CEP57L1: variants seen among roughly 807,000 people sequenced by gnomAD.
CEP57L1 encodes the protein centrosomal protein CEP57L1.
Under a neutral mutation model 61.0 loss-of-function variants are expected in CEP57L1, and 37 were observed. That is an observed-to-expected ratio of 0.61 (90% confidence interval 0.47 to 0.80). The LOEUF is 0.80. Ranked by LOEUF, CEP57L1 falls within the 30% of genes least tolerant of loss-of-function variation. The probability of loss-of-function intolerance (pLI) is 0.00; values close to 1 mark genes in which losing one functional copy is unlikely to be tolerated. For missense variants in CEP57L1, 422 were observed against 524.7 expected, an observed-to-expected ratio of 0.80 and a Z score of 1.91; for synonymous variants, 137 against 162.3, an observed-to-expected ratio of 0.84 and a Z score of 1.19.
At chr6:109,134,668 C>T (rs545895769) in intron 1 of CEP57L1, among the ~76,000 whole-genome samples, 13 of 152,254 alleles carry the variant, frequency 8.5e-5, no homozygotes, top group Admixed American at 2.0e-4. Context: ...ACAACCCCAT[C>T]GTCTCAGCCC....
intron 1 of CEP57L1, among the ~76,000 whole-genome samples, chr6:109,131,115 G>A (rs1415794985): frequency 1.3e-5 from 2 of 152,040 alleles, no homozygotes; most frequent in Non-Finnish European, 2.9e-5. Flanking sequence ...AGATCAATTC[G>A]AATGTCAAAA....
In CEP57L1 at chr6:109,149,795, T is replaced by G. The variant is rs578076176; in HGVS notation, c.341-323T>G. 9.2e-5 allele frequency among the ~76,000 whole-genome samples: 14 copies of G among 152,332 alleles called. No individual in the cohort carries two copies. In the South Asian group the frequency reaches 2.7e-3, roughly 29 times the overall value. On this transcript the variant is annotated intron_variant, in intron 3 of 10. Transcript: ENST00000517392. The stretch of plus-strand genomic sequence containing the variant: ...TTGTTTGTATCCTCTTTTATTTCAT[T>G]GAGCAGTGGTTTGTAGTTCTCCTTG...
At chr6:109,150,912 C>A (rs1372101717) in intron 4 of CEP57L1, among the ~76,000 whole-genome samples, 1 of 151,944 alleles carries the variant, frequency 6.6e-6, no homozygotes, top group Admixed American at 6.6e-5. Flanking sequence ...ACTAGTAGGT[C>A]CACTCTAAAG....
chr6:109,155,344 A>G (rs747409812), intron 6 of CEP57L1, 37 bp downstream of exon 6: 2 of 1,089,206 alleles, frequency 1.8e-6, no homozygotes, highest in Non-Finnish European at 2.6e-6. Flanking sequence ...ACAGTAAACC[A>G]TATATGTTTT....
At position 109,166,762 on chromosome 6, in the gene CEP57L1, G is replaced by T. The variant is rs777378296; in HGVS notation, c.*3792G>T. On this transcript the variant is annotated 3_prime_UTR_variant, in exon 11 of 11. Coordinates refer to ENST00000517392, the MANE Select transcript of CEP57L1 (RefSeq NM_001271852.3). ...TTGTAATGTGAGAAATCAATCTAAG[G>T]GGGGAAGAGGCCAGTTGGTTATGCA... Among the ~76,000 whole-genome samples, 1 of 152,112 alleles carries T rather than the reference G, an allele frequency of 6.6e-6. No homozygotes were observed. Among genetic ancestry groups the T allele is most frequent in the Non-Finnish European group, 1.5e-5 (1 of 68,020 alleles).
chr6:109,129,599 CT>C, intron 1 of CEP57L1: 1 of 449,164 alleles, frequency 2.2e-6, no homozygotes, highest in Non-Finnish European at 4.5e-6. Flanking sequence ...TCAATCTTAC[CT>C]ACTGCTTACA....
chr6:109,115,524 C>G (rs1390495148), intron 1 of CEP57L1, among the ~76,000 whole-genome samples: 1 of 152,016 alleles, frequency 6.6e-6, no homozygotes, highest in Non-Finnish European at 1.5e-5. Flanking sequence ...CACCCATTGT[C>G]GGTGTGTGCA....
chr6:109,119,307 C>A (rs1338365739), intron 1 of CEP57L1, among the ~76,000 whole-genome samples: 1 of 152,012 alleles, frequency 6.6e-6, no homozygotes, highest in Non-Finnish European at 1.5e-5. Context: ...TTTAGTGAAA[C>A]ATAATTAGTA....
At chr6:109,157,450 A>C (rs1413684498) in intron 7 of CEP57L1, 2 of 152,234 alleles carry the variant, frequency 1.3e-5, no homozygotes, top group Non-Finnish European at 2.9e-5. Context: ...AGTATAATAG[A>C]AGATTAATAG....
At chr6:109,104,198 C>T (rs1378288863) in intron 1 of CEP57L1, among the ~76,000 whole-genome samples, 1 of 151,910 alleles carries the variant, frequency 6.6e-6, no homozygotes, top group Non-Finnish European at 1.5e-5. Context: ...ATTTTCAGAG[C>T]TTATCTGTGT....
intron 2 of CEP57L1, among the ~76,000 whole-genome samples, chr6:109,145,856 T>C (rs1328304666): frequency 4.6e-5 from 7 of 151,984 alleles, no homozygotes. Flanking sequence ...AGGAGGATCT[T>C]AAAATTGAAT....
In CEP57L1 at chr6:109,168,396, G is replaced by A. The variant is rs1774231273; in HGVS notation, c.*5426G>A. Among the ~76,000 whole-genome samples the A allele has an allele frequency of 6.6e-6, 1 of 152,100 alleles. No individual in the cohort carries two copies. Among genetic ancestry groups the A allele is most frequent in the East Asian group, 1.9e-4 (1 of 5,198 alleles). On this transcript the variant is annotated 3_prime_UTR_variant, in exon 11 of 11. Transcript: ENST00000517392. ...AGAACAATAAGAATTATACAGAAAG[G>A]TTATATTCTAGAGGCCAAGTATTGA...
At chr6:109,130,525 T>G (rs2114757422) in intron 1 of CEP57L1, among the ~76,000 whole-genome samples, 1 of 152,214 alleles carries the variant, frequency 6.6e-6, no homozygotes, top group East Asian at 1.9e-4. Flanking sequence ...ATTGTGCTTC[T>G]ACGAACATAG....
At chr6:109,159,205 C>A (rs1773499870) in intron 8 of CEP57L1, 64 bp from the exon 9 acceptor site, 1 of 1,613,676 alleles carries the variant, frequency 6.2e-7, no homozygotes, top group Non-Finnish European at 8.5e-7. Flanking sequence ...TCAGTTGTTT[C>A]TTTTCCCATA....
chr6:109,139,466 AT>A (rs936052011), intron 1 of CEP57L1, among the ~76,000 whole-genome samples: 38 of 150,424 alleles, frequency 2.5e-4, no homozygotes, highest in African/African-American at 8.8e-4. Context: ...GCCTGGCTGA[AT>A]TTTTTTTTCT....
At chr6:109,155,173 C>A in intron 5 of CEP57L1, 57 bp from the exon 6 acceptor site, 2 of 1,082,772 alleles carry the variant, frequency 1.8e-6, no homozygotes, top group Non-Finnish European at 2.7e-6. Flanking sequence ...GGAAAAGAAA[C>A]AAATGATATT....
chr6:109,131,944 A>G (rs1774247967), intron 1 of CEP57L1, among the ~76,000 whole-genome samples: 1 of 152,098 alleles, frequency 6.6e-6, no homozygotes, highest in Non-Finnish European at 1.5e-5. Flanking sequence ...AGATCCCCAA[A>G]GTGTGAATCA....
At chr6:109,103,766 T>C (rs1770597975) in intron 1 of CEP57L1, among the ~76,000 whole-genome samples, 1 of 152,140 alleles carries the variant, frequency 6.6e-6, no homozygotes, top group African/African-American at 2.4e-5. Context: ...CTTGAAAGAT[T>C]TGTGAGCGAG....
chr6:109,126,027 A>G (rs563570350), intron 1 of CEP57L1, among the ~76,000 whole-genome samples: 5 of 152,272 alleles, frequency 3.3e-5, no homozygotes, highest in African/African-American at 1.2e-4. Flanking sequence ...GCTGGGTTCA[A>G]CCATAACAAA....
Sources: allele counts gnomAD v4.1 joint callset (sites outside exome capture counted in the v4.1 genomes callset), GRCh38; gene constraint gnomAD v4.1.1; transcripts MANE v1.5; gene names NCBI Gene and HGNC (gene_info 2026-07-23, HGNC 2026-07-21).